Variants in RAD54L observed in about 807,000 individuals in gnomAD.
RAD54L encodes the protein RAD54 like, also known as DNA repair and recombination protein RAD54-like.
In RAD54L, 74 loss-of-function variants were observed where a neutral mutation model predicts 91.6. The ratio of observed to expected loss-of-function variants is 0.81; its 90% CI spans 0.67 to 0.98. RAD54L has a LOEUF of 0.98. Among genes scored for constraint, RAD54L ranks in the 50% least tolerant of loss-of-function variants. The pLI is 0.00. For missense variants in RAD54L, 887 were observed against 945.7 expected (o/e 0.94, Z 0.81); for synonymous variants, 304 against 349.7 (o/e 0.87, Z 1.46).
Position 46,260,115 on chromosome 1 carries a change from T to C in RAD54L, c.407+16T>C. Reference sequence around the variant, plus strand: ...AGCTTGACAAGTATGTGCACTGGTATTTCATAAGCAGTTTTGGTTCTCTGT... The same window carrying C: ...AGCTTGACAAGTATGTGCACTGGTACTTCATAAGCAGTTTTGGTTCTCTGT... On this transcript the variant is annotated intron_variant, in intron 5 of 17. Transcript: ENST00000371975. 1 of 1,614,184 alleles carries C rather than the reference T, an allele frequency of 6.2e-7. No individual in the cohort carries two copies. The highest frequency in any genetic ancestry group is 1.1e-5 in the South Asian group (1 of 91,080).
At chr1:46,251,331 A>C (rs28363197) in intron 3 of RAD54L, among the ~76,000 whole-genome samples, 3 of 152,310 alleles carry the variant, frequency 2.0e-5, no homozygotes, top group African/African-American at 7.2e-5. Context: ...CAACAAAAAA[A>C]CAACAGTTTT....
At chr1:46,252,714 C>T (rs1659836053) in intron 3 of RAD54L, among the ~76,000 whole-genome samples, 1 of 152,028 alleles carries the variant, frequency 6.6e-6, no homozygotes, top group Non-Finnish European at 1.5e-5. Context: ...ATGTATTATA[C>T]AAGAGCTATT....
rs114579733 is a variant in RAD54L at position 46,248,261 on chromosome 1, C to G, written c.-145C>G. 2.8e-4 allele frequency: 293 copies of G among 1,055,622 alleles called. 1 individual carries two copies. In the African/African-American group the frequency reaches 4.1e-3, roughly 15 times the overall value. The allele number at this position is 1,055,622 out of a possible 1,614,324, so 65.4% of individuals were successfully genotyped here. ...CAGTTCCTGGATGGATTCCCGCCATCCATGCCCCCTCTTTAATTAGCCGGT... is the reference window on the plus strand; with the variant it reads ...CAGTTCCTGGATGGATTCCCGCCATGCATGCCCCCTCTTTAATTAGCCGGT... On this transcript the variant is annotated 5_prime_UTR_variant, in exon 1 of 18. The change creates a new upstream start codon in the 5' untranslated region. Transcript: ENST00000371975.
At chr1:46,260,204 A>G in intron 5 of RAD54L, 105 bp downstream of exon 5, 3 of 1,526,696 alleles carry the variant, frequency 2.0e-6, no homozygotes, top group East Asian at 4.5e-5. Context: ...GGATTGACAT[A>G]TGTTTTCAGA....
At chr1:46,275,221 G>C in intron 16 of RAD54L, among the ~76,000 whole-genome samples, 1 of 152,054 alleles carries the variant, frequency 6.6e-6, no homozygotes, top group East Asian at 1.9e-4. Context: ...CAATCATACT[G>C]GCTGACGTTG....
chr1:46,253,087 G>A (rs1659844171), intron 3 of RAD54L, among the ~76,000 whole-genome samples: 1 of 152,076 alleles, frequency 6.6e-6, no homozygotes. Context: ...AAAAATACTT[G>A]CGTATAGGAA....
chr1:46,261,197 T>C (rs1660109474), intron 7 of RAD54L, 64 bp from the exon 8 acceptor site: 1 of 1,594,304 alleles, frequency 6.3e-7, no homozygotes, highest in Non-Finnish European at 8.6e-7. Context: ...GTCTAATTGT[T>C]TTTTTTGTTT....
Position 46,265,929 on chromosome 1 carries a change from T to C in RAD54L, c.892-1530T>C, listed in dbSNP as rs1569594226. On this transcript the variant is annotated intron_variant, in intron 8 of 17. Coordinates refer to ENST00000371975, the MANE Select transcript of RAD54L (RefSeq NM_003579.4). The surrounding 1 kb of genome is among the most constrained non-coding windows in gnomAD (Gnocchi z 4.8). ...CTAAAATGGATAATACAATTTCCAT[T>C]CGTGTGGATTACAGAACAGAATACA... Among the ~76,000 whole-genome samples the C allele has an allele frequency of 6.6e-6, 1 of 152,312 alleles. No homozygotes were observed. Among genetic ancestry groups the C allele is most frequent in the East Asian group, 1.9e-4 (1 of 5,186 alleles).
intron 4 of RAD54L, 82 bp from the exon 5 acceptor site, chr1:46,259,882 A>G: frequency 6.3e-7 from 1 of 1,585,936 alleles, no homozygotes; most frequent in Non-Finnish European, 8.7e-7. Flanking sequence ...GGGAAAGGTT[A>G]TGTGAAGGAC....
intron 9 of RAD54L, among the ~76,000 whole-genome samples, chr1:46,269,676 A>C (rs1208212337): frequency 6.6e-6 from 1 of 152,186 alleles, no homozygotes. Context: ...ATACCCACCA[A>C]AAAACTCTAA....
intron 3 of RAD54L, among the ~76,000 whole-genome samples, chr1:46,255,561 C>T (rs1364177156): frequency 1.4e-5 from 2 of 140,408 alleles, no homozygotes; most frequent in Non-Finnish European, 3.0e-5. Flanking sequence ...TGCAGTGGCG[C>T]GATCTCGGCT....
chr1:46,278,411 C>T lies in RAD54L; in HGVS notation c.*129C>T, dbSNP rs1317477104. The T allele has an allele frequency of 9.1e-7, 1 of 1,097,632 alleles. No individual in the cohort carries two copies. Among genetic ancestry groups the T allele is most frequent in the African/African-American group, 1.6e-5 (1 of 62,694 alleles). 68.0% of individuals were successfully genotyped at this position (1,097,632 alleles called of 1,614,324 possible). A position where few individuals can be genotyped will look rare whatever the true frequency, so the allele number is the denominator to read the frequency against. The stretch of plus-strand genomic sequence containing the variant: ...CAAGAAGGGCTGCATGATGTTTGCC[C>T]AAAATTTATTTTATAAGAAAAACTT... On this transcript the variant is annotated 3_prime_UTR_variant, in exon 18 of 18. Coordinates refer to ENST00000371975, the MANE Select transcript of RAD54L (RefSeq NM_003579.4).
intron 3 of RAD54L, among the ~76,000 whole-genome samples, chr1:46,251,201 A>G (rs957637005): frequency 4.0e-5 from 6 of 151,170 alleles, no homozygotes; most frequent in Non-Finnish European, 7.4e-5. Context: ...AATCCCAGCT[A>G]CTTGGGAGGC....
chr1:46,262,546 G>A (rs999868443), intron 8 of RAD54L, among the ~76,000 whole-genome samples: 6 of 152,032 alleles, frequency 3.9e-5, no homozygotes, highest in African/African-American at 1.4e-4. Flanking sequence ...TATGCATTCA[G>A]CTCAATAAAT....
At chr1:46,277,039 C>T (rs971515701) in intron 16 of RAD54L, among the ~76,000 whole-genome samples, 1 of 152,172 alleles carries the variant, frequency 6.6e-6, no homozygotes, top group African/African-American at 2.4e-5. Flanking sequence ...TTGTGATCTG[C>T]CTGCCTCGGC....
In RAD54L at chr1:46,260,827, G is replaced by A. The variant is rs2148288307; in HGVS notation, c.578G>A (p.Cys193Tyr). Residue 193 changes from cysteine (C) to tyrosine (Y), a missense_variant, in exon 7 of 18, where the codon TGC becomes TAC. Cys to Tyr is a radical substitution (Grantham distance 194, BLOSUM62 -2). Transcript: ENST00000371975. ...DEMGLGKTLQ[C>Y]ITLMWTLLRQ... is the part of the protein sequence containing the mutation. ...ATGGGCCTAGGAAAGACGCTGCAGT[G>A]CATCACATTGATGTGGACACTTTTA... 1.2e-6 allele frequency: 2 copies of A among 1,614,248 alleles called. No individual in the cohort carries two copies. Among genetic ancestry groups the A allele is most frequent in the Non-Finnish European group, 1.7e-6 (2 of 1,180,038 alleles).
rs1289269299 is a variant in RAD54L, at chr1:46,260,609, G to A, written c.475G>A (p.Glu159Lys). Residue 159 changes from glutamate (E) to lysine (K), a missense_variant and splice_region_variant, in exon 6 of 18, where the codon GAG (glutamate) becomes AAG (lysine). Glu to Lys is a moderately conservative substitution (Grantham distance 56). Coordinates refer to ENST00000371975, the MANE Select transcript of RAD54L (RefSeq NM_003579.4). ...TAAGGTTTTGCGGCCTCATCAGAGA[G>A]AGGTAAATGAGGGTGAGGGGAACGA... ...LSKVLRPHQREGVKFLWECVT... is the reference protein window; with the variant it reads ...LSKVLRPHQRKGVKFLWECVT... 1.1e-5 allele frequency: 17 copies of A among 1,613,924 alleles called. No homozygotes were observed.
chr1:46,272,463 T>C lies in RAD54L; in HGVS notation c.1170-3T>C, dbSNP rs74505292. On this transcript the variant is annotated splice_region_variant and splice_polypyrimidine_tract_variant and intron_variant, in intron 10 of 17. Transcript: ENST00000371975. ...TCTTGCCTTTTTATCCTGTTTTCTC[T>C]AGATGCCTGATACGGAGGACTTCTG... is the stretch of plus-strand genomic sequence containing the variant. 1.5e-5 allele frequency: 24 copies of C among 1,604,828 alleles called. No individual in the cohort carries two copies. The highest frequency in any genetic ancestry group is 2.0e-5 in the Non-Finnish European group (23 of 1,171,526).
intron 16 of RAD54L, chr1:46,277,512 G>T (rs904923468): frequency 4.3e-6 from 2 of 461,164 alleles, no homozygotes; most frequent in African/African-American, 3.9e-5. Context: ...GTTGGGCTTG[G>T]TGCAGAAATC....
Sources: gnomAD v4.1 joint callset for allele counts (sites outside exome capture counted in the v4.1 genomes callset) on GRCh38, gnomAD v4.1.1 for gene constraint, Gnocchi (gnomAD v3.1) non-coding constraint, MANE v1.5 for transcripts, NCBI Gene and HGNC (gene_info 2026-07-23, HGNC 2026-07-21) for gene names.